The following DAB1 variants were observed in gnomAD, a reference collection of about 807,000 sequenced individuals.
The protein encoded by DAB1 is DAB adaptor protein 1.
Under a neutral mutation model 64.6 loss-of-function variants are expected in DAB1, and 15 were observed. That is an observed-to-expected ratio of 0.23 (90% CI 0.16 to 0.36). The LOEUF (loss-of-function observed/expected upper bound fraction) is 0.36. Ranked by LOEUF, DAB1 falls within the 10% of genes least tolerant of loss-of-function variation. The pLI, the probability that DAB1 is intolerant of heterozygous loss-of-function variation, is 1.00. For synonymous variants in DAB1, 235 were observed against 251.9 expected, an observed-to-expected ratio of 0.93 and a Z score of 0.64; for missense variants, 596 against 706.7, an observed-to-expected ratio of 0.84 and a Z score of 1.78.
At chr1:58,334,668 T>C (rs1478244260) in intron 4 of DAB1, among the ~76,000 whole-genome samples, 3 of 148,780 alleles carry the variant, frequency 2.0e-5, no homozygotes, top group South Asian at 2.1e-4. Flanking sequence ...TATTATATTA[T>C]ATTGTATTAT....
intron 7 of DAB1, among the ~76,000 whole-genome samples, chr1:57,437,034 T>TG (rs1685721789): frequency 8.8e-5 from 1 of 11,390 alleles, no homozygotes; most frequent in Admixed American, 7.0e-4. Context: ...AGACTCCGTC[T>TG]CAAAAAAAAA....
At chr1:57,430,607 G>C (rs1042246770) in intron 7 of DAB1, among the ~76,000 whole-genome samples, 4 of 151,998 alleles carry the variant, frequency 2.6e-5, no homozygotes, top group African/African-American at 9.7e-5. Flanking sequence ...TCGATCTCCT[G>C]ACCTCGTGAT....
intron 5 of DAB1, among the ~76,000 whole-genome samples, chr1:57,986,182 T>G (rs1232907175): frequency 1.3e-5 from 2 of 152,154 alleles, no homozygotes; most frequent in Non-Finnish European, 2.9e-5. Flanking sequence ...CACCTAGCCT[T>G]GACTCTCACT....
chr1:57,128,559 G>A (rs137882840), intron 4 of DAB1, among the ~76,000 whole-genome samples: 1 of 152,230 alleles, frequency 6.6e-6, no homozygotes, highest in African/African-American at 2.4e-5. Context: ...AACACTCGGA[G>A]CCTAAAATAT....
chr1:57,175,445 C>T (rs1304364008), intron 2 of DAB1, among the ~76,000 whole-genome samples: 1 of 151,786 alleles, frequency 6.6e-6, no homozygotes, highest in African/African-American at 2.4e-5. Context: ...AGCCTTCCTG[C>T]AAAGTAGGTC....
intron 4 of DAB1, among the ~76,000 whole-genome samples, chr1:58,246,653 T>C (rs1660549333): frequency 6.6e-6 from 1 of 151,722 alleles, no homozygotes; most frequent in Non-Finnish European, 1.5e-5. Flanking sequence ...TGGTAGTGAG[T>C]GATGTAGGTG....
chr1:57,798,230 T>A (rs145221499), intron 6 of DAB1, among the ~76,000 whole-genome samples: 40 of 152,280 alleles, frequency 2.6e-4, no homozygotes, highest in African/African-American at 9.4e-4. Flanking sequence ...GCCAATGATG[T>A]AAGGTTGGTT....
intron 9 of DAB1, among the ~76,000 whole-genome samples, chr1:57,035,006 C>T (rs904514486): frequency 1.6e-4 from 25 of 152,206 alleles, no homozygotes; most frequent in Non-Finnish European, 1.5e-5. Context: ...TTTCCACCAG[C>T]CCATGGTTCA....
At chr1:57,540,196 G>A (rs1644785383) in intron 7 of DAB1, among the ~76,000 whole-genome samples, 1 of 152,100 alleles carries the variant, frequency 6.6e-6, no homozygotes. Context: ...ATGAAAAAAT[G>A]TTCAACATAA....
chr1:58,513,320 A>G (rs902527887), intron 2 of DAB1, among the ~76,000 whole-genome samples: 2 of 152,170 alleles, frequency 1.3e-5, no homozygotes, highest in Non-Finnish European at 2.9e-5. Context: ...AGCCATGGAG[A>G]ACTGTGAGTC....
chr1:58,132,038 C>T lies in DAB1; in HGVS notation n.387+18473G>A, dbSNP rs544406383. 4.6e-5 allele frequency among the ~76,000 whole-genome samples: 7 copies of T among 152,232 alleles called. No homozygotes were observed. The South Asian group carries it at 1.0e-3, about 23-fold the overall frequency. ...TTACCTAATCAAGCCTGGGCAATGG[C>T]GGGCGCCCCTCCCCCAGCCTCAATG... On this transcript the variant is annotated intron_variant and non_coding_transcript_variant, in intron 5 of 20. Transcript: ENST00000485760.
intron 4 of DAB1, among the ~76,000 whole-genome samples, chr1:58,203,908 CA>C (rs1658124812): frequency 6.6e-6 from 1 of 152,102 alleles, no homozygotes; most frequent in East Asian, 1.9e-4. Flanking sequence ...GTTTATTGAA[CA>C]AATAGCTAAA....
intron 7 of DAB1, among the ~76,000 whole-genome samples, chr1:57,535,280 T>C (rs1466529901): frequency 6.6e-6 from 1 of 152,214 alleles, no homozygotes; most frequent in Non-Finnish European, 1.5e-5. Flanking sequence ...TTTTCACAGC[T>C]GTATTCCCAG....
chr1:58,442,942 G>C (rs1338643853), intron 3 of DAB1, among the ~76,000 whole-genome samples: 1 of 152,148 alleles, frequency 6.6e-6, no homozygotes, highest in African/African-American at 2.4e-5. Flanking sequence ...GAGGATTCTA[G>C]GAGACAGTAT....
intron 1 of DAB1, among the ~76,000 whole-genome samples, chr1:57,354,764 G>T (rs1678924454): frequency 6.6e-6 from 1 of 152,108 alleles, no homozygotes; most frequent in South Asian, 2.1e-4. Context: ...TTAGACTCAT[G>T]CATAAGAGCT....
At chr1:58,372,825 C>G (rs975801847) in intron 3 of DAB1, among the ~76,000 whole-genome samples, 1 of 152,158 alleles carries the variant, frequency 6.6e-6, no homozygotes, top group Non-Finnish European at 1.5e-5. Flanking sequence ...TAAGACATGC[C>G]TTGCTTTCCA....
At chr1:57,399,800 AAATCAT>A (rs1683095856) in intron 1 of DAB1, among the ~76,000 whole-genome samples, 1 of 152,182 alleles carries the variant, frequency 6.6e-6, no homozygotes, top group African/African-American at 2.4e-5. Context: ...CAAGAGAGAA[AAATCAT>A]ATGCATCAGC....
intron 4 of DAB1, among the ~76,000 whole-genome samples, chr1:58,162,316 T>C (rs1021138051): frequency 6.6e-6 from 1 of 152,216 alleles, no homozygotes; most frequent in Non-Finnish European, 1.5e-5. Flanking sequence ...TAAGTCTCTG[T>C]CAGCCCACAG....
chr1:58,031,348 C>T (rs1182433120), intron 5 of DAB1, among the ~76,000 whole-genome samples: 1 of 152,112 alleles, frequency 6.6e-6, no homozygotes, highest in African/African-American at 2.4e-5. Context: ...TGAAGCAGAA[C>T]TGTGGAAAGT....
Sources: gnomAD v4.1 joint callset for allele counts (sites outside exome capture counted in the v4.1 genomes callset) on GRCh38, gnomAD v4.1.1 for gene constraint, MANE v1.5 for transcripts, NCBI Gene and HGNC (gene_info 2026-07-23, HGNC 2026-07-21) for gene names.